Variants in TRMT1 observed in about 807,000 individuals in gnomAD.
The protein encoded by TRMT1 is tRNA (guanine(26)-N(2))-dimethyltransferase.
TRMT1 carries 63 observed loss-of-function variants against 75.4 expected under a neutral mutation model. The ratio of observed to expected loss-of-function variants is 0.84; its 90% CI spans 0.68 to 1.03. The LOEUF (loss-of-function observed/expected upper bound fraction) is 1.03, where lower values mean the gene tolerates loss of function less well. TRMT1 is among the 50% of genes least tolerant of loss of function. The pLI, the probability that TRMT1 is intolerant of heterozygous loss-of-function variation, is 0.00. For synonymous variants in TRMT1, 382 were observed against 358.1 expected (o/e 1.07, Z -0.75); for missense variants, 870 against 905.3 (o/e 0.96, Z 0.50).
intron 7 of TRMT1, among the ~76,000 whole-genome samples, chr19:13,111,949 T>C: frequency 6.6e-6 from 1 of 151,440 alleles, no homozygotes; most frequent in Non-Finnish European, 1.5e-5. Context: ...TCCGCCCACC[T>C]CGACTTCCCA....
intron 7 of TRMT1, 147 bp downstream of exon 7, chr19:13,112,558 C>A: frequency 1.5e-6 from 1 of 683,754 alleles, no homozygotes; most frequent in Non-Finnish European, 2.5e-6. Flanking sequence ...GTTGAAGACA[C>A]GCCTGTCGTT....
rs889400919 is a variant in TRMT1, at chr19:13,110,254, C to A, written c.923G>T (p.Arg308Leu). The change falls in exon 8 of 17, where the codon CGC becomes CTC. Residue 308 changes from arginine (R) to leucine (L), a missense_variant. Physicochemically the swap from Arg to Leu is moderately radical, Grantham distance 102. Transcript: ENST00000357720. The part of the protein sequence containing the change: ...SLDLRANCYQ[R>L]FVVPLLSISA... ...GATGCTGAGCAGCGGCACCACGAAG[C>A]GCTGGTAGCAGTTGGCGCGGAGGTC... The A allele has an allele frequency of 6.2e-7, 1 of 1,613,100 alleles. No homozygotes were observed. Among genetic ancestry groups the A allele is most frequent in the East Asian group, 2.2e-5 (1 of 44,854 alleles).
intron 3 of TRMT1, 88 bp downstream of exon 3, chr19:13,115,909 C>G: frequency 6.2e-7 from 1 of 1,610,204 alleles, no homozygotes; most frequent in Non-Finnish European, 8.5e-7. Context: ...GTGGCTGAAG[C>G]CCCTCTGGAT....
intron 7 of TRMT1, 142 bp downstream of exon 7, chr19:13,112,563 G>A (rs1264323062): frequency 2.8e-6 from 2 of 711,710 alleles, no homozygotes; most frequent in African/African-American, 1.8e-5. Context: ...AGACACGCCT[G>A]TCGTTAACAG....
At position 13,115,968 on chromosome 19, in the gene TRMT1, G is replaced by C. The variant is rs200623228; in HGVS notation, c.310+29C>G. 3.4e-5 allele frequency: 55 copies of C among 1,613,780 alleles called. No individual in the cohort carries two copies. In the Middle Eastern group the frequency reaches 5.0e-4, roughly 15 times the overall value. On this transcript the variant is annotated intron_variant, in intron 3 of 16. Transcript: ENST00000357720. ...AGGGAGATAAACTTGTGTGACCCCCGCCCACCAGAAGCCTGGACCTCCACT... is the reference window on the plus strand; with the variant it reads ...AGGGAGATAAACTTGTGTGACCCCCCCCCACCAGAAGCCTGGACCTCCACT...
chr19:13,109,130 G>A (rs996068229), intron 12 of TRMT1, among the ~76,000 whole-genome samples: 19 of 151,522 alleles, frequency 1.3e-4, no homozygotes, highest in Non-Finnish European at 2.2e-4. Flanking sequence ...ATGTATGTGT[G>A]TGTATATGTA....
At position 13,104,930 on chromosome 19, in the gene TRMT1, T is replaced by C. The variant is rs2018777255; in HGVS notation, c.*5A>G. On this transcript the variant is annotated 3_prime_UTR_variant, in exon 17 of 17. Coordinates refer to ENST00000357720, the MANE Select transcript of TRMT1 (RefSeq NM_001136035.4). ...GAGAAGGTGACGTGACATCTCTTTATTGGTTCAGTCTATGCCTGGCCCAGC... is the reference window on the plus strand; with the variant it reads ...GAGAAGGTGACGTGACATCTCTTTACTGGTTCAGTCTATGCCTGGCCCAGC... 3 of 1,613,932 alleles carry C rather than the reference T, an allele frequency of 1.9e-6. No individual in the cohort carries two copies. The highest frequency in any genetic ancestry group is 8.5e-7 in the Non-Finnish European group (1 of 1,179,914).
rs995612709 is a variant in TRMT1 at position 13,112,566 on chromosome 19, G to T, written c.870+139C>A. The T allele has an allele frequency of 8.2e-6, 6 of 733,614 alleles. 1 individual carries two copies. The East Asian group carries it at 1.5e-4, about 19-fold the overall frequency. The allele number at this position is 733,614 out of a possible 1,614,324, so 45.4% of individuals were successfully genotyped here. ...TATGTGGGTTGAAGACACGCCTGTC[G>T]TTAACAGCCTGGGATGCATCTGGCC... On this transcript the variant is annotated intron_variant, in intron 7 of 16. Coordinates refer to ENST00000357720, the MANE Select transcript of TRMT1 (RefSeq NM_001136035.4).
chr19:13,110,739 G>C (rs2019108857), intron 7 of TRMT1, among the ~76,000 whole-genome samples: 1 of 152,142 alleles, frequency 6.6e-6, no homozygotes, highest in African/African-American at 2.4e-5. Flanking sequence ...AGGCTGGTCA[G>C]GAGTTTGAGA....
rs762188422 is a variant in TRMT1, at chr19:13,107,662, G to C, written c.1507-12C>G. 6.2e-7 allele frequency: 1 copy of C among 1,600,434 alleles called. No homozygotes were observed. Among genetic ancestry groups the C allele is most frequent in the Non-Finnish European group, 8.5e-7 (1 of 1,172,100 alleles). On this transcript the variant is annotated splice_polypyrimidine_tract_variant and intron_variant, in intron 13 of 16. Coordinates refer to ENST00000357720, the MANE Select transcript of TRMT1 (RefSeq NM_001136035.4). ...GGACATTCCTTCTCCTGGGGGCAGA[G>C]GTCAGAGGTTAGGGAATACTAGGCC...
chr19:13,105,327 C>T lies in TRMT1; in HGVS notation c.1773G>A (p.Pro591=), dbSNP rs528535820. The T allele has an allele frequency of 3.1e-6, 5 of 1,614,026 alleles. No individual in the cohort carries two copies. The highest frequency in any genetic ancestry group is 1.7e-5 in the Admixed American group (1 of 60,022). ...RLLQNKRKEP[P]EDVAQRAARL... ...GGGCAGCCCGCTGGGCCACATCTTC[C>T]GGCGGCTCCTTCCGCTTGTTCTGAA... Residue 591 remains proline, a synonymous_variant, in exon 16 of 17, where the codon CCG becomes CCA. Transcript: ENST00000357720.
rs771586858 is a variant in TRMT1 at position 13,116,283 on chromosome 19, G to T, written c.117C>A (p.Asn39Lys). 2 of 1,614,002 alleles carry T rather than the reference G, an allele frequency of 1.2e-6. No individual in the cohort carries two copies. The highest frequency in any genetic ancestry group is 1.1e-5 in the South Asian group (1 of 91,084). Residue 39 changes from asparagine (N) to lysine (K), a missense_variant, in exon 2 of 17, where the codon AAC (asparagine) becomes AAA (lysine). Transcript: ENST00000357720. ...PGLPNTAAME[N>K]GTGPYGEERP... is the part of the protein sequence containing the mutation. ...GTTCTTCTCCGTAGGGCCCGGTGCCGTTCTCCATCGCTGCTGTATTCGGCA... is the reference window on the plus strand; with the variant it reads ...GTTCTTCTCCGTAGGGCCCGGTGCCTTTCTCCATCGCTGCTGTATTCGGCA...
At position 13,116,069 on chromosome 19, in the gene TRMT1, G is replaced by T. The variant is rs372263364; in HGVS notation, c.255-17C>A. On this transcript the variant is annotated splice_polypyrimidine_tract_variant and intron_variant, in intron 2 of 16. Coordinates refer to ENST00000357720, the MANE Select transcript of TRMT1 (RefSeq NM_001136035.4). ...ACAGCACATCTGGTGGGAGACAGAG[G>T]ACTAGCTCATACCCCGCCCCCGCCA... The T allele has an allele frequency of 2.2e-5, 35 of 1,613,096 alleles. No homozygotes were observed.
At chr19:13,107,433 C>T (rs1214260840) in intron 14 of TRMT1, 141 bp downstream of exon 14, 2 of 1,065,480 alleles carry the variant, frequency 1.9e-6, no homozygotes, top group East Asian at 5.3e-5. Context: ...AGCCACCTAC[C>T]CAGCCCCAGT....
intron 12 of TRMT1, 133 bp downstream of exon 12, chr19:13,109,248 G>T: frequency 9.5e-7 from 1 of 1,055,434 alleles, no homozygotes; most frequent in East Asian, 2.6e-5. Context: ...CCAAGGTACT[G>T]GGATTACAGG....
In TRMT1 at chr19:13,116,005, C is replaced by T; in HGVS notation, c.302G>A (p.Gly101Glu). Residue 101 changes from glycine to glutamate, a missense_variant, in exon 3 of 17, where the codon GGA becomes GAA. Physicochemically the swap from Gly to Glu is moderately conservative, Grantham distance 98. Transcript: ENST00000357720. ...CCTGGACCTCCACTCACTCTGGATTCCTTTGGCCCCAAGCTGAATGCGAGC... is the reference window on the plus strand; with the variant it reads ...CCTGGACCTCCACTCACTCTGGATTTCTTTGGCCCCAAGCTGAATGCGAGC... Reference protein sequence around the residue: ...EFARIQLGAKGIQIKVPGEKD... With the variant: ...EFARIQLGAKEIQIKVPGEKD... 1 of 1,613,956 alleles carries T rather than the reference C, an allele frequency of 6.2e-7. No homozygotes were observed. Among genetic ancestry groups the T allele is most frequent in the Non-Finnish European group, 8.5e-7 (1 of 1,180,014 alleles).
Position 13,107,713 on chromosome 19 carries a change from C to T in TRMT1, c.1506+38G>A, listed in dbSNP as rs529678275. 1.9e-6 allele frequency: 3 copies of T among 1,562,210 alleles called. No individual in the cohort carries two copies. The African/African-American group carries it at 4.1e-5, about 21-fold the overall frequency. On this transcript the variant is annotated intron_variant, in intron 13 of 16. Transcript: ENST00000357720. Reference sequence around the variant, plus strand: ...CAAGGGACCTCCAGGTGACCACCACCTGCCCTCCCACCTGCATGAGGTCAG... The same window carrying T: ...CAAGGGACCTCCAGGTGACCACCACTTGCCCTCCCACCTGCATGAGGTCAG...
chr19:13,110,240 G>A lies in TRMT1; in HGVS notation c.937C>T (p.Leu313=). Residue 313 remains leucine (L), a synonymous_variant, in exon 8 of 17, where the codon CTG becomes TTG. Transcript: ENST00000357720. The stretch of plus-strand genomic sequence containing the variant: ...TAGAAGTCAGCGCTGATGCTGAGCA[G>A]CGGCACCACGAAGCGCTGGTAGCAG... The part of the protein sequence containing the change: ...ANCYQRFVVP[L]LSISADFYVR... The A allele has an allele frequency of 1.4e-5, 22 of 1,612,690 alleles. No individual in the cohort carries two copies. Among genetic ancestry groups the A allele is most frequent in the East Asian group, 2.2e-5 (1 of 44,822 alleles).
At position 13,109,973 on chromosome 19, in the gene TRMT1, C is replaced by T. The variant is rs1224687888; in HGVS notation, c.1048G>A (p.Gly350Ser). The change falls in exon 9 of 17, where the codon GGC becomes AGC. Residue 350 changes from glycine (G) to serine (S), a missense_variant. Coordinates refer to ENST00000357720, the MANE Select transcript of TRMT1 (RefSeq NM_001136035.4). ...SKQALVFQCV[G>S]CGAFHLQRLG... ...CGCTGAAGGTGGAAGGCCCCGCAGC[C>T]CACACACTGGAACACCAGCGCCTGC... 3 of 1,613,562 alleles carry T rather than the reference C, an allele frequency of 1.9e-6. No individual in the cohort carries two copies. In the Admixed American group the frequency reaches 5.0e-5, roughly 27 times the overall value.
Sources: gnomAD v4.1 joint callset for allele counts (sites outside exome capture counted in the v4.1 genomes callset) on GRCh38, gnomAD v4.1.1 for gene constraint, MANE v1.5 for transcripts, NCBI Gene and HGNC (gene_info 2026-07-23, HGNC 2026-07-21) for gene names.